Variants in DST observed in about 807,000 individuals in gnomAD.
The protein encoded by DST is bullous pemphigoid antigen.
Under a neutral mutation model 875.2 loss-of-function variants are expected in DST, and 253 were observed. That is an observed-to-expected ratio of 0.29 (90% CI 0.26 to 0.32). DST has a LOEUF of 0.32. Ranked by LOEUF, DST falls within the 10% of genes least tolerant of loss-of-function variation. The probability of loss-of-function intolerance (pLI) is 1.00; values close to 1 mark genes in which losing one functional copy is unlikely to be tolerated. For missense variants in DST, 8,287 were observed against 9,111.6 expected, an observed-to-expected ratio of 0.91 and a Z score of 3.68; for synonymous variants, 3,124 against 3,197.1, an observed-to-expected ratio of 0.98 and a Z score of 0.77.
chr6:56,762,422 G>A (rs2099619433), intron 4 of DST, among the ~76,000 whole-genome samples: 2 of 152,204 alleles, frequency 1.3e-5, no homozygotes, highest in Non-Finnish European at 1.5e-5. Flanking sequence ...CAAAGCAGAA[G>A]TGGGCTTCAA....
intron 27 of DST, among the ~76,000 whole-genome samples, chr6:56,633,462 G>C (rs57350484): frequency 6.6e-6 from 1 of 151,218 alleles, no homozygotes; most frequent in Non-Finnish European, 1.5e-5. Context: ...TCCTGACCTC[G>C]TGATCCGCCC....
chr6:56,706,033 T>C (rs2099331832), intron 5 of DST, among the ~76,000 whole-genome samples: 1 of 152,190 alleles, frequency 6.6e-6, no homozygotes, highest in South Asian at 2.1e-4. Flanking sequence ...AAATACGCCA[T>C]GCTCAGTGGC....
At chr6:56,585,946 T>C (rs1197677808) in intron 49 of DST, among the ~76,000 whole-genome samples, 5 of 151,970 alleles carry the variant, frequency 3.3e-5, no homozygotes, top group Admixed American at 2.0e-4. Context: ...TTGATTGCAC[T>C]GTGGTCTGAG....
At chr6:56,516,345 AAAC>A (rs2096594221) in intron 71 of DST, among the ~76,000 whole-genome samples, 2 of 152,160 alleles carry the variant, frequency 1.3e-5, no homozygotes, top group African/African-American at 4.8e-5. Context: ...ATAACTCAAT[AAAC>A]CACAGAATAA....
At chr6:56,737,713 G>A (rs990285382) in intron 4 of DST, among the ~76,000 whole-genome samples, 2 of 152,156 alleles carry the variant, frequency 1.3e-5, no homozygotes, top group African/African-American at 2.4e-5. Flanking sequence ...AGACAGCACT[G>A]CTCTAAAACA....
intron 47 of DST, among the ~76,000 whole-genome samples, chr6:56,597,460 A>C (rs932953034): frequency 4.6e-5 from 7 of 152,214 alleles, no homozygotes; most frequent in Non-Finnish European, 2.9e-5. Flanking sequence ...AGAACTTAGA[A>C]GAGTGCCCAC....
chr6:56,480,729 G>A (rs1025063355), intron 90 of DST, among the ~76,000 whole-genome samples: 86 of 152,258 alleles, frequency 5.6e-4, no homozygotes, highest in African/African-American at 2.1e-3. Flanking sequence ...CACTACCCCT[G>A]CTCTGGATAC....
intron 9 of DST, among the ~76,000 whole-genome samples, chr6:56,690,171 T>C (rs970389026): frequency 2.0e-5 from 3 of 152,172 alleles, no homozygotes; most frequent in Non-Finnish European, 4.4e-5. Flanking sequence ...GGTAATCTTA[T>C]TTACCATGTT....
intron 3 of DST, among the ~76,000 whole-genome samples, chr6:56,880,544 C>T (rs1364737865): frequency 5.9e-5 from 9 of 151,762 alleles, no homozygotes; most frequent in Non-Finnish European, 8.8e-5. Flanking sequence ...AAAAATTAGC[C>T]GGGCGTGGTA....
In DST at chr6:56,636,237, TA is replaced by T. The variant is rs200343940; in HGVS notation, c.3060+319del. ...CGGCCTACAAAGAAAACAATTCACA[TA>T]TATATATATATATATATACACACAC... On this transcript the variant is annotated intron_variant, in intron 23 of 103. Coordinates refer to ENST00000680361, the MANE Select transcript of DST (RefSeq NM_001374736.1). Among the ~76,000 whole-genome samples, 702 of 128,922 alleles carry T rather than the reference TA, an allele frequency of 5.4e-3. 3 individuals carry two copies. The highest frequency in any genetic ancestry group is 0.02 in the African/African-American group (551 of 27,808). The allele number at this position is 128,922 out of a possible 152,430, so 84.6% of individuals were successfully genotyped here. A position where few individuals can be genotyped will look rare whatever the true frequency, so the allele number is the denominator to read the frequency against.
At position 56,594,082 on chromosome 6, in the gene DST, T is replaced by G; in HGVS notation, c.12307A>C (p.Lys4103Gln). 1 of 1,611,580 alleles carries G rather than the reference T, an allele frequency of 6.2e-7. No individual in the cohort carries two copies. Among genetic ancestry groups the G allele is most frequent in the East Asian group, 2.2e-5 (1 of 44,880 alleles). Residue 4103 changes from lysine (K) to glutamine (Q), a missense_variant, in exon 48 of 104, where the codon AAA (lysine) becomes CAA (glutamine). Lys to Gln is a moderately conservative substitution (Grantham distance 53). Transcript: ENST00000680361. ...GQYLSPEEKE[K>Q]LQKNMKELKV... ...AGTTCCTTCATGTTCTTTTGCAGTT[T>G]CTCTTTTTCTTCAGGAGAGAGATAC... is the stretch of plus-strand genomic sequence containing the variant.
At chr6:56,643,952 G>A (rs1210612420) in intron 15 of DST, among the ~76,000 whole-genome samples, 1 of 152,184 alleles carries the variant, frequency 6.6e-6, no homozygotes, top group East Asian at 1.9e-4. Flanking sequence ...ACCACCCAAT[G>A]TAGTAGGCAC....
rs756284717 is a variant in DST, at chr6:56,552,925, A to T, written c.15867T>A (p.Leu5289=). The change falls in exon 61 of 104, where the codon CTT becomes CTA. Residue 5289 remains leucine, a synonymous_variant. Transcript: ENST00000680361. ...TATCTAGCTGCTCCTTTGCACACTGAAGCTGCCTTTTAGATTCTTTGGAAA... is the reference window on the plus strand; with the variant it reads ...TATCTAGCTGCTCCTTTGCACACTGTAGCTGCCTTTTAGATTCTTTGGAAA... ...QEVSKESKRQ[L]QCAKEQLDIH... is the part of the protein sequence containing the mutation. 1.9e-6 allele frequency: 3 copies of T among 1,614,002 alleles called. No individual in the cohort carries two copies. The South Asian group carries it at 3.3e-5, about 18-fold the overall frequency.
rs754479912 is a variant in DST at position 56,634,142 on chromosome 6, T to C, written c.3611A>G (p.Asn1204Ser). The change falls in exon 27 of 104, where the codon AAT (asparagine) becomes AGT (serine). Residue 1204 changes from asparagine (N) to serine (S), a missense_variant. This residue lies in a region of DST where 3,138 missense variants were observed against 3,116.6 expected (regional missense o/e 1.01). Coordinates refer to ENST00000680361, the MANE Select transcript of DST (RefSeq NM_001374736.1). ...INEIDRIRAS[N>S]VASIKTMLPG... is the part of the protein sequence containing the mutation. ...CAGATTCATACTTACTGAAGCCACA[T>C]TGCTAGCTCGAATTCTATCAATTTC... 5.6e-6 allele frequency: 9 copies of C among 1,613,224 alleles called. No homozygotes were observed. The South Asian group carries it at 7.7e-5, about 14-fold the overall frequency.
chr6:56,545,081 C>T (rs973909712), intron 61 of DST, among the ~76,000 whole-genome samples: 1 of 152,114 alleles, frequency 6.6e-6, no homozygotes, highest in African/African-American at 2.4e-5. Context: ...GGCATGATCA[C>T]AGCTCACTGC....
chr6:56,741,035 T>C (rs2099545007), intron 4 of DST, among the ~76,000 whole-genome samples: 2 of 152,144 alleles, frequency 1.3e-5, no homozygotes, highest in African/African-American at 4.8e-5. Flanking sequence ...GTTAACAAAA[T>C]AGATTTCTTC....
At chr6:56,467,474 C>A (rs534935392) in intron 98 of DST, 1 of 152,136 alleles carries the variant, frequency 6.6e-6, no homozygotes, top group Non-Finnish European at 1.5e-5. Flanking sequence ...AACATTGAGA[C>A]TTAAACTTTC....
intron 36 of DST, chr6:56,616,708 AC>A (rs747370186): frequency 6.2e-7 from 1 of 1,613,912 alleles, no homozygotes; most frequent in Admixed American, 1.7e-5. Context: ...GGTCAATGAC[AC>A]CCCCACTGGC....
chr6:56,471,307 T>C, intron 94 of DST, 39 bp from the exon 95 acceptor site: 1 of 1,485,000 alleles, frequency 6.7e-7, no homozygotes, highest in Non-Finnish European at 9.1e-7. Flanking sequence ...GTTAATGCTG[T>C]ACTAAAATTG....
Sources: allele counts gnomAD v4.1 joint callset (sites outside exome capture counted in the v4.1 genomes callset), GRCh38; gene constraint gnomAD v4.1.1; regional missense constraint gnomAD v4.1.1; transcripts MANE v1.5; gene names NCBI Gene and HGNC (gene_info 2026-07-23, HGNC 2026-07-21).